The following AFF4 variants were observed in gnomAD, a reference collection of about 807,000 sequenced individuals.
AFF4 encodes AF4/FMR2 family member 4.
Under a neutral mutation model 124.8 loss-of-function variants are expected in AFF4, and 13 were observed. That is an observed-to-expected ratio of 0.10 (90% CI 0.07 to 0.17). The LOEUF is 0.17. Ranked by LOEUF, AFF4 falls within the 10% of genes least tolerant of loss-of-function variation. AFF4 has a pLI of 1.00. For missense variants in AFF4, 1,092 were observed against 1,403.8 expected (o/e 0.78, Z 3.55); for synonymous variants, 477 against 496.1 (o/e 0.96, Z 0.51).
Position 132,956,854 on chromosome 5 carries a change from T to C in AFF4, c.-5+6405A>G, listed in dbSNP as rs540252800. Among the ~76,000 whole-genome samples the C allele has an allele frequency of 6.0e-5, 9 of 150,878 alleles. No homozygotes were observed. The East Asian group carries it at 1.8e-3, about 30-fold the overall frequency. On this transcript the variant is annotated intron_variant, in intron 1 of 20. Coordinates refer to ENST00000265343, the MANE Select transcript of AFF4 (RefSeq NM_014423.4). ...GACCAACATGGTGAAACCCCATCTC[T>C]ACTAAAAATACAAAAATTGGCCGGG...
Position 132,897,115 on chromosome 5 carries a change from T to G in AFF4, c.1515A>C (p.Glu505Asp). 6.2e-7 allele frequency: 1 copy of G among 1,614,220 alleles called. No individual in the cohort carries two copies. Residue 505 changes from glutamate to aspartate, a missense_variant, in exon 11 of 21, where the codon GAA (glutamate) becomes GAC (aspartate). Physicochemically the swap from Glu to Asp is conservative, Grantham distance 45. Coordinates refer to ENST00000265343, the MANE Select transcript of AFF4 (RefSeq NM_014423.4). ...NIPSSQGYKKEGREQGTGNSY... is the reference protein window; with the variant it reads ...NIPSSQGYKKDGREQGTGNSY... The stretch of plus-strand genomic sequence containing the variant: ...TATTCCCAGTGCCCTGCTCTCGGCC[T>G]TCCTTTTTGTAGCCTTGAGATGATG...
At chr5:132,927,266 T>G (rs1761193889) in intron 4 of AFF4, 59 bp from the exon 5 acceptor site, 1 of 1,423,870 alleles carries the variant, frequency 7.0e-7, no homozygotes, top group Non-Finnish European at 9.7e-7. Flanking sequence ...ATTATACAGC[T>G]AAAAACCAGA....
intron 5 of AFF4, 35 bp from the exon 6 acceptor site, chr5:132,904,439 C>A: frequency 6.4e-7 from 1 of 1,567,558 alleles, no homozygotes; most frequent in African/African-American, 1.4e-5. Context: ...TACAAAGTTA[C>A]ACTAAAAAAG....
chr5:132,940,093 A>G (rs925005373), intron 1 of AFF4, among the ~76,000 whole-genome samples: 6 of 152,146 alleles, frequency 3.9e-5, no homozygotes, highest in Non-Finnish European at 2.9e-5. Context: ...CCAGCTACTC[A>G]GGAGGCTGAG....
intron 7 of AFF4, 87 bp downstream of exon 7, chr5:132,902,355 T>C: frequency 1.7e-6 from 2 of 1,168,232 alleles, no homozygotes; most frequent in Non-Finnish European, 2.5e-6. Context: ...GCCTCAATAT[T>C]TCTAAATACT....
At chr5:132,962,992 A>C (rs1054511251) in intron 1 of AFF4, among the ~76,000 whole-genome samples, 6 of 152,198 alleles carry the variant, frequency 3.9e-5, no homozygotes, top group Non-Finnish European at 8.8e-5. Context: ...TGAGGAAAGA[A>C]AGAGGAAAGG....
chr5:132,953,857 G>A (rs1361235893), intron 1 of AFF4, among the ~76,000 whole-genome samples: 3 of 152,098 alleles, frequency 2.0e-5, no homozygotes, highest in Middle Eastern at 3.4e-3. Flanking sequence ...TACTTCCCTC[G>A]GTCTCTCTTT....
intron 1 of AFF4, among the ~76,000 whole-genome samples, chr5:132,944,641 T>C (rs1425195662): frequency 6.6e-6 from 1 of 150,626 alleles, no homozygotes; most frequent in Non-Finnish European, 1.5e-5. Context: ...AGTGAGACTC[T>C]CTCTCAAAAA....
intron 5 of AFF4, among the ~76,000 whole-genome samples, chr5:132,909,741 C>T (rs4705978): frequency 0.12 from 17,551 of 152,234 alleles, 1,282 homozygotes; most frequent in South Asian, 0.2. Flanking sequence ...CAGTTCCAGA[C>T]ATTTCTGGCT....
chr5:132,883,680 G>A, intron 19 of AFF4, 120 bp from the exon 20 acceptor site: 1 of 833,782 alleles, frequency 1.2e-6, no homozygotes, highest in South Asian at 1.8e-5. Flanking sequence ...AAACTAGATG[G>A]GTTTTCAGAG....
chr5:132,896,269 AC>A (rs1760392247), intron 11 of AFF4, 53 bp downstream of exon 11: 1 of 1,522,076 alleles, frequency 6.6e-7, no homozygotes. Context: ...TGAGATTTCC[AC>A]CGCATTTCAG....
intron 5 of AFF4, among the ~76,000 whole-genome samples, chr5:132,907,505 C>T (rs927100175): frequency 8.5e-5 from 13 of 152,080 alleles, no homozygotes; most frequent in African/African-American, 2.2e-4. Flanking sequence ...CAAGTACTCA[C>T]GCAAATCAAA....
At chr5:132,888,758 C>T (rs1760181359) in intron 14 of AFF4, among the ~76,000 whole-genome samples, 2 of 151,640 alleles carry the variant, frequency 1.3e-5, no homozygotes, top group Non-Finnish European at 2.9e-5. Flanking sequence ...AGTACAGTGG[C>T]ACAATCTCGG....
At chr5:132,884,687 G>A (rs1581267676) in intron 19 of AFF4, among the ~76,000 whole-genome samples, 1 of 152,168 alleles carries the variant, frequency 6.6e-6, no homozygotes, top group Admixed American at 6.5e-5. Context: ...TGGGAGATAG[G>A]TGGGATGAAA....
At chr5:132,887,443 C>T in intron 17 of AFF4, 78 bp downstream of exon 17, 2 of 1,313,782 alleles carry the variant, frequency 1.5e-6, no homozygotes, top group Non-Finnish European at 2.2e-6. Context: ...TCAAGGAAAA[C>T]ATTCAGAAGA....
chr5:132,896,348 G>T lies in AFF4; in HGVS notation c.2282C>A (p.Ser761Tyr), dbSNP rs1427333596. 6.3e-7 allele frequency: 1 copy of T among 1,596,346 alleles called. No individual in the cohort carries two copies. Among genetic ancestry groups the T allele is most frequent in the Non-Finnish European group, 8.5e-7 (1 of 1,175,562 alleles). ...EAQKQASEKV[S>Y]NKGKRKHKNE... ...CTTATGCTTCCTCTTGCCTTTGTTG[G>T]AAACTTTTTCTGAGGCTTGTTTCTG... is the stretch of plus-strand genomic sequence containing the variant. The change falls in exon 11 of 21, where the codon TCC becomes TAC. Residue 761 changes from serine (S) to tyrosine (Y), a missense_variant. Ser to Tyr is a moderately radical substitution (Grantham distance 144). Transcript: ENST00000265343.
At chr5:132,957,148 C>T (rs1336720926) in intron 1 of AFF4, among the ~76,000 whole-genome samples, 1 of 151,286 alleles carries the variant, frequency 6.6e-6, no homozygotes, top group Non-Finnish European at 1.5e-5. Flanking sequence ...TGTAACCAGC[C>T]CAGGCAATAC....
At chr5:132,918,783 T>A (rs371309737) in intron 5 of AFF4, among the ~76,000 whole-genome samples, 9 of 152,158 alleles carry the variant, frequency 5.9e-5, no homozygotes, top group African/African-American at 1.9e-4. Flanking sequence ...AGATTCAATA[T>A]TGCTAAGACG....
intron 1 of AFF4, among the ~76,000 whole-genome samples, chr5:132,956,775 AC>A (rs914209455): frequency 6.6e-6 from 1 of 151,874 alleles, no homozygotes; most frequent in African/African-American, 2.4e-5. Flanking sequence ...TAACCCCAGC[AC>A]TTTGGGAGGC....
Sources: gnomAD v4.1 joint callset for allele counts (sites outside exome capture counted in the v4.1 genomes callset) on GRCh38, gnomAD v4.1.1 for gene constraint, MANE v1.5 for transcripts, NCBI Gene and HGNC (gene_info 2026-07-23, HGNC 2026-07-21) for gene names.